Variants in ERI1 observed in about 807,000 individuals in gnomAD.
The protein encoded by ERI1 is 3'-5' exoribonuclease 1.
In ERI1, 39 loss-of-function variants were observed where a neutral mutation model predicts 39.7. The ratio of observed to expected loss-of-function variants is 0.98; its 90% CI spans 0.76 to 1.28. ERI1 has a LOEUF of 1.28. ERI1 is among the 50% of genes most tolerant of loss of function. The pLI is 0.00. For synonymous variants in ERI1, 204 were observed against 149.6 expected, an observed-to-expected ratio of 1.36 and a Z score of -2.65; for missense variants, 581 against 416.9, an observed-to-expected ratio of 1.39 and a Z score of -3.43.
intron 3 of ERI1, among the ~76,000 whole-genome samples, chr8:9,053,007 A>T (rs1334661225): frequency 6.6e-6 from 1 of 151,932 alleles, no homozygotes; most frequent in Non-Finnish European, 1.5e-5. Flanking sequence ...TGATTTATTT[A>T]TTTTTGTTTT....
At chr8:9,094,024 A>G (rs952534173) in intron 3 of ERI1, among the ~76,000 whole-genome samples, 4 of 152,210 alleles carry the variant, frequency 2.6e-5, no homozygotes, top group African/African-American at 9.7e-5. Context: ...GGTACCCTAT[A>G]CACCAATCAG....
rs188601499 is a variant in ERI1, at chr8:9,029,942, G to A, written c.958G>A (p.Glu320Lys). The A allele has an allele frequency of 3.7e-6, 6 of 1,614,114 alleles. No homozygotes were observed. In the Admixed American group the frequency reaches 5.0e-5, roughly 13 times the overall value. Residue 320 changes from glutamate to lysine, a missense_variant, in exon 7 of 7, where the codon GAG (glutamate) becomes AAG (lysine). Transcript: ENST00000250263. Reference sequence around the variant, plus strand: ...GGATGGGTGTGAACTCCGAATCAACGAGAAAATGCATGCAGGACAGCTAAT... The same window carrying A: ...GGATGGGTGTGAACTCCGAATCAACAAGAAAATGCATGCAGGACAGCTAAT... ...LQDGCELRIN[E>K]KMHAGQLMSV...
chr8:9,018,463 C>T, intron 5 of ERI1, 57 bp downstream of exon 5: 1 of 960,764 alleles, frequency 1.0e-6, no homozygotes, highest in Non-Finnish European at 1.6e-6. Context: ...TAAAGATACC[C>T]TTATTTATCT....
At chr8:9,072,662 G>C (rs977793475) in intron 3 of ERI1, 3 of 151,772 alleles carry the variant, frequency 2.0e-5, no homozygotes, top group Non-Finnish European at 2.9e-5. Context: ...TCATAAATCA[G>C]CCCTTTGATT....
At chr8:9,070,728 C>G (rs1397341087) in intron 3 of ERI1, among the ~76,000 whole-genome samples, 1 of 152,204 alleles carries the variant, frequency 6.6e-6, no homozygotes, top group Non-Finnish European at 1.5e-5. Flanking sequence ...CATTTGGCGT[C>G]TGAAAGAATC....
In ERI1 at chr8:9,032,847, C is replaced by T. The variant is rs896320609; in HGVS notation, c.*2813C>T. 12 of 152,176 alleles carry T rather than the reference C, an allele frequency of 7.9e-5. No individual in the cohort carries two copies. The highest frequency in any genetic ancestry group is 2.9e-4 in the African/African-American group (12 of 41,442). 9.4% of individuals were successfully genotyped at this position (152,176 alleles called of 1,614,324 possible). Reference sequence around the variant, plus strand: ...TAGTTGCCAAAGAAACTACCTGCCTCACAGATGAGCACGCACGGGTGCATT... The same window carrying T: ...TAGTTGCCAAAGAAACTACCTGCCTTACAGATGAGCACGCACGGGTGCATT... On this transcript the variant is annotated 3_prime_UTR_variant, in exon 7 of 7. Coordinates refer to ENST00000250263, the MANE Select transcript of ERI1 (RefSeq NM_153332.4).
chr8:9,098,723 TA>T (rs899591845), intron 3 of ERI1, among the ~76,000 whole-genome samples: 40 of 149,940 alleles, frequency 2.7e-4, no homozygotes, highest in African/African-American at 4.7e-4. Context: ...CCTATTGAAA[TA>T]AAAAAAAAAT....
intron 1 of ERI1, among the ~76,000 whole-genome samples, chr8:9,006,704 G>A (rs1027351923): frequency 6.6e-6 from 1 of 152,072 alleles, no homozygotes; most frequent in African/African-American, 2.4e-5. Context: ...TTGTTAACAA[G>A]GAACCTCAGT....
At chr8:9,011,376 C>A (rs941032259) in intron 2 of ERI1, among the ~76,000 whole-genome samples, 166 bp from the exon 3 acceptor site, 3 of 152,088 alleles carry the variant, frequency 2.0e-5, no homozygotes, top group Non-Finnish European at 2.9e-5. Context: ...TTAATTAGTT[C>A]TTTGCTAACT....
chr8:9,025,941 T>G (rs1293604256), intron 6 of ERI1, among the ~76,000 whole-genome samples: 1 of 152,188 alleles, frequency 6.6e-6, no homozygotes, highest in Admixed American at 6.5e-5. Flanking sequence ...CATACAGTTT[T>G]GTGGATGAAA....
intron 3 of ERI1, among the ~76,000 whole-genome samples, chr8:9,056,199 G>T (rs540575539): frequency 6.6e-6 from 1 of 152,356 alleles, no homozygotes; most frequent in South Asian, 2.1e-4. Flanking sequence ...CCCCAGCTCC[G>T]CTGGAAGTGG....
At chr8:9,025,270 A>G (rs1337663960) in intron 6 of ERI1, among the ~76,000 whole-genome samples, 1 of 152,222 alleles carries the variant, frequency 6.6e-6, no homozygotes, top group Non-Finnish European at 1.5e-5. Flanking sequence ...CTTGATATCA[A>G]GCCCAAGCAA....
intron 3 of ERI1, among the ~76,000 whole-genome samples, chr8:9,066,395 C>G (rs895236152): frequency 6.6e-6 from 1 of 152,218 alleles, no homozygotes; most frequent in African/African-American, 2.4e-5. Context: ...AAGAAGAAAG[C>G]AAGAGTTTGA....
chr8:9,086,651 G>C (rs6983411), intron 3 of ERI1, among the ~76,000 whole-genome samples: 58,722 of 152,066 alleles, frequency 0.39, 12,507 homozygotes, highest in African/African-American at 0.55. Context: ...ATTATAGCAA[G>C]AAGCCTGTTG....
intron 3 of ERI1, among the ~76,000 whole-genome samples, chr8:9,068,206 G>A (rs1798941903): frequency 6.6e-6 from 1 of 152,230 alleles, no homozygotes; most frequent in African/African-American, 2.4e-5. Context: ...ATTGACCTGA[G>A]ACTGTCTCAG....
At chr8:9,018,166 A>T (rs1023370824) in intron 4 of ERI1, 131 bp from the exon 5 acceptor site, 8 of 526,996 alleles carry the variant, frequency 1.5e-5, no homozygotes, top group African/African-American at 1.1e-4. Flanking sequence ...AGCTAAGCCA[A>T]GGAAACCATG....
chr8:9,005,446 T>C (rs1043038146), intron 1 of ERI1, among the ~76,000 whole-genome samples: 2 of 151,934 alleles, frequency 1.3e-5, no homozygotes, highest in African/African-American at 2.4e-5. Flanking sequence ...ACAGCAATTA[T>C]AGAATACCTG....
In ERI1 at chr8:9,031,926, T is replaced by A. The variant is rs1797618493; in HGVS notation, c.*1892T>A. ...GCGCGTGCCACCACACCCGCCTAATTTTTGTATTTTTGGTAGAGGCGGGGT... is the reference window on the plus strand; with the variant it reads ...GCGCGTGCCACCACACCCGCCTAATATTTGTATTTTTGGTAGAGGCGGGGT... On this transcript the variant is annotated 3_prime_UTR_variant, in exon 7 of 7. Transcript: ENST00000250263. 1 of 152,244 alleles carries A rather than the reference T, an allele frequency of 6.6e-6. No homozygotes were observed. Among genetic ancestry groups the A allele is most frequent in the African/African-American group, 2.4e-5 (1 of 41,446 alleles). 9.4% of individuals were successfully genotyped at this position (152,244 alleles called of 1,614,324 possible).
chr8:9,063,397 G>A (rs1000118029), intron 3 of ERI1, among the ~76,000 whole-genome samples: 1 of 152,150 alleles, frequency 6.6e-6, no homozygotes, highest in Non-Finnish European at 1.5e-5. Flanking sequence ...CTGGGCAGGT[G>A]GGGGAGGGCT....
Sources: allele counts gnomAD v4.1 joint callset (sites outside exome capture counted in the v4.1 genomes callset), GRCh38; gene constraint gnomAD v4.1.1; transcripts MANE v1.5; gene names NCBI Gene and HGNC (gene_info 2026-07-23, HGNC 2026-07-21).